The following UBE2Q2 variants were observed in gnomAD, a reference collection of about 807,000 sequenced individuals.
UBE2Q2 encodes ubiquitin-conjugating enzyme E2 Q2.
UBE2Q2 carries 54 observed loss-of-function variants against 59.9 expected under a neutral mutation model. That is an observed-to-expected ratio of 0.90 (90% CI 0.72 to 1.13). The LOEUF is 1.13. UBE2Q2 is among the 50% of genes most tolerant of loss of function. The pLI is 0.00. For missense variants in UBE2Q2, 433 were observed against 441.9 expected (o/e 0.98, Z 0.18); for synonymous variants, 165 against 155.2 (o/e 1.06, Z -0.47).
chr15:75,852,397 A>G (rs1896675902), intron 1 of UBE2Q2, among the ~76,000 whole-genome samples: 1 of 152,210 alleles, frequency 6.6e-6, no homozygotes, highest in African/African-American at 2.4e-5. Flanking sequence ...TGGGGGTCTG[A>G]GGTCCCCACT....
At chr15:75,873,680 C>A in intron 5 of UBE2Q2, 112 bp downstream of exon 5, 1 of 1,231,522 alleles carries the variant, frequency 8.1e-7, no homozygotes, top group Non-Finnish European at 1.1e-6. Flanking sequence ...TCCATTTCTG[C>A]CTTAGTGGTG....
chr15:75,846,947 C>A (rs1222842979), intron 1 of UBE2Q2, among the ~76,000 whole-genome samples: 1 of 152,166 alleles, frequency 6.6e-6, no homozygotes, highest in Non-Finnish European at 1.5e-5. Context: ...TGACCTCCAC[C>A]CCTTAACCTT....
At chr15:75,850,418 G>A (rs752680424) in intron 1 of UBE2Q2, among the ~76,000 whole-genome samples, 3 of 151,960 alleles carry the variant, frequency 2.0e-5, no homozygotes, top group Non-Finnish European at 4.4e-5. Context: ...TACTCCTTAC[G>A]TGTAGGCAAG....
chr15:75,869,429 G>A (rs1412466751), intron 4 of UBE2Q2, among the ~76,000 whole-genome samples: 2 of 152,192 alleles, frequency 1.3e-5, no homozygotes, highest in African/African-American at 4.8e-5. Context: ...AATCATCAAA[G>A]AATTTTGTCT....
intron 1 of UBE2Q2, chr15:75,844,341 G>GGAGAAACTGACAAT (rs1306733442): frequency 1.3e-6 from 2 of 1,550,254 alleles, no homozygotes; most frequent in Admixed American, 3.9e-5. Flanking sequence ...TTGCGTTTAA[G>GGAGAAACTGACAAT]GAGAAACTGA....
chr15:75,885,960 C>A (rs914659195), intron 9 of UBE2Q2, among the ~76,000 whole-genome samples: 2 of 151,964 alleles, frequency 1.3e-5, no homozygotes, highest in Admixed American at 6.6e-5. Flanking sequence ...ACAAAATAAA[C>A]ACAAGACTGA....
chr15:75,890,368 C>T, intron 9 of UBE2Q2, 67 bp from the exon 10 acceptor site: 1 of 1,239,730 alleles, frequency 8.1e-7, no homozygotes, highest in Non-Finnish European at 1.1e-6. Context: ...TTGGTAATGG[C>T]ACTTAGAAAT....
At chr15:75,881,235 C>CTT (rs111487358) in intron 8 of UBE2Q2, among the ~76,000 whole-genome samples, 3 of 146,550 alleles carry the variant, frequency 2.0e-5, no homozygotes, top group African/African-American at 2.5e-5. Context: ...GAAATAGAAC[C>CTT]TTTTTTTTTT....
rs181105045 is a variant in UBE2Q2, at chr15:75,850,336, C to T, written c.181-4050C>T. Among the ~76,000 whole-genome samples, 104 of 152,314 alleles carry T rather than the reference C, an allele frequency of 6.8e-4. 1 individual carries two copies. Among genetic ancestry groups the T allele is most frequent in the South Asian group, 4.4e-3 (21 of 4,824 alleles). On this transcript the variant is annotated intron_variant, in intron 1 of 12. Transcript: ENST00000267938. ...TCTCCGATGCTTATGTGTGTTCCCT[C>T]TCCCTTAAAAAATCAGATTTTTTTG...
intron 11 of UBE2Q2, among the ~76,000 whole-genome samples, chr15:75,895,887 CCAGTACTCAG>C (rs1326836389): frequency 4.6e-5 from 7 of 152,186 alleles, no homozygotes; most frequent in African/African-American, 1.2e-4. Flanking sequence ...GACATTTTTA[CCAGTACTCAG>C]CAGATATACG....
At chr15:75,891,430 T>C (rs1170192621) in intron 11 of UBE2Q2, among the ~76,000 whole-genome samples, 1 of 152,012 alleles carries the variant, frequency 6.6e-6, no homozygotes, top group Non-Finnish European at 1.5e-5. Context: ...TGTGCTAGGC[T>C]CTAGTCTTTT....
At chr15:75,862,343 C>CT (rs1897242080) in intron 3 of UBE2Q2, among the ~76,000 whole-genome samples, 1 of 150,178 alleles carries the variant, frequency 6.7e-6, no homozygotes, top group Non-Finnish European at 1.5e-5. Flanking sequence ...CTTTAAGGAG[C>CT]TATTTTGATA....
chr15:75,879,033 A>T, intron 7 of UBE2Q2, 65 bp from the exon 8 acceptor site: 1 of 1,215,616 alleles, frequency 8.2e-7, no homozygotes, highest in Non-Finnish European at 1.1e-6. Flanking sequence ...TTCATTTTTG[A>T]GTTTAGTTAA....
intron 1 of UBE2Q2, among the ~76,000 whole-genome samples, chr15:75,851,466 A>G (rs758341481): frequency 6.6e-6 from 1 of 152,118 alleles, no homozygotes; most frequent in Non-Finnish European, 1.5e-5. Flanking sequence ...AAATACATTC[A>G]TCAATATTGC....
chr15:75,845,936 T>TAATGCACA (rs1896322450), intron 1 of UBE2Q2, among the ~76,000 whole-genome samples: 1 of 152,214 alleles, frequency 6.6e-6, no homozygotes, highest in African/African-American at 2.4e-5. Context: ...AGGACTAGTG[T>TAATGCACA]AATGGCACCC....
At chr15:75,864,171 G>A (rs1296423085) in intron 3 of UBE2Q2, among the ~76,000 whole-genome samples, 1 of 152,134 alleles carries the variant, frequency 6.6e-6, no homozygotes, top group South Asian at 2.1e-4. Flanking sequence ...ATTAAGTAAG[G>A]TTATACTTTG....
chr15:75,879,422 A>G (rs1260089380), intron 8 of UBE2Q2, among the ~76,000 whole-genome samples: 3 of 152,224 alleles, frequency 2.0e-5, no homozygotes, highest in African/African-American at 4.8e-5. Flanking sequence ...GTTCATTCCA[A>G]TAAAATGGAG....
At chr15:75,847,459 A>C (rs1896412344) in intron 1 of UBE2Q2, among the ~76,000 whole-genome samples, 1 of 152,152 alleles carries the variant, frequency 6.6e-6, no homozygotes, top group Non-Finnish European at 1.5e-5. Flanking sequence ...CTGTTTTATA[A>C]ATTTGTCCTG....
intron 2 of UBE2Q2, among the ~76,000 whole-genome samples, chr15:75,854,816 G>C (rs1231158448): frequency 6.6e-6 from 1 of 152,206 alleles, no homozygotes; most frequent in African/African-American, 2.4e-5. Context: ...TGAAGGGAGA[G>C]ATGGGGAGAA....
Sources: gnomAD v4.1 joint callset for allele counts (sites outside exome capture counted in the v4.1 genomes callset) on GRCh38, gnomAD v4.1.1 for gene constraint, MANE v1.5 for transcripts, NCBI Gene and HGNC (gene_info 2026-07-23, HGNC 2026-07-21) for gene names.